EFCAB11: variants seen among roughly 807,000 people sequenced by gnomAD.
The protein encoded by EFCAB11 is EF-hand calcium binding domain 11.
In EFCAB11, 14 loss-of-function variants were observed where a neutral mutation model predicts 23.0. That is an observed-to-expected ratio of 0.61 (90% CI 0.40 to 0.95). The LOEUF is 0.95. EFCAB11 is among the 40% of genes least tolerant of loss of function. The probability of loss-of-function intolerance (pLI) is 0.00; values close to 1 mark genes in which losing one functional copy is unlikely to be tolerated. For synonymous variants in EFCAB11, 65 were observed against 66.6 expected (o/e 0.98, Z 0.11); for missense variants, 198 against 195.8 (o/e 1.01, Z -0.07).
intron 5 of EFCAB11, among the ~76,000 whole-genome samples, chr14:89,864,594 AT>A (rs1888028868): frequency 6.6e-6 from 1 of 151,704 alleles, no homozygotes; most frequent in South Asian, 2.1e-4. Context: ...TGCCCAGATA[AT>A]TTTTGTTTTG....
At chr14:89,886,049 C>T (rs574910348) in intron 5 of EFCAB11, among the ~76,000 whole-genome samples, 2 of 152,118 alleles carry the variant, frequency 1.3e-5, no homozygotes, top group South Asian at 4.1e-4. Context: ...GTGATACTGG[C>T]ACAAAGATAG....
At chr14:89,835,012 C>T (rs1887026397) in intron 5 of EFCAB11, among the ~76,000 whole-genome samples, 1 of 152,178 alleles carries the variant, frequency 6.6e-6, no homozygotes, top group Non-Finnish European at 1.5e-5. Context: ...TCCTTACCAA[C>T]AGTGTATAGT....
chr14:89,832,236 C>A (rs1388881025), intron 5 of EFCAB11, among the ~76,000 whole-genome samples: 1 of 152,080 alleles, frequency 6.6e-6, no homozygotes, highest in Admixed American at 6.5e-5. Context: ...TCACTTGAAT[C>A]CGGGAGGCAG....
chr14:89,862,799 G>T (rs1887966606), intron 5 of EFCAB11, among the ~76,000 whole-genome samples: 1 of 152,192 alleles, frequency 6.6e-6, no homozygotes, highest in Non-Finnish European at 1.5e-5. Flanking sequence ...CACTTTAGTA[G>T]GTTTCTAAAT....
In EFCAB11 at chr14:89,842,556, C is replaced by A. The variant is rs75618495; in HGVS notation, c.411-45232G>T. 7.4e-3 allele frequency among the ~76,000 whole-genome samples: 1,132 copies of A among 152,200 alleles called. 12 individuals carry two copies. The highest frequency in any genetic ancestry group is 0.026 in the African/African-American group (1,089 of 41,518). ...TGCCACTGCACTCTAGCCTGGGCAA[C>A]AGAGTGACCCACTGTCTCAAAAAAT... is the stretch of plus-strand genomic sequence containing the variant. On this transcript the variant is annotated intron_variant, in intron 5 of 5. Coordinates refer to ENST00000316738, the MANE Select transcript of EFCAB11 (RefSeq NM_145231.4).
intron 5 of EFCAB11, among the ~76,000 whole-genome samples, chr14:89,866,825 G>A (rs1167835046): frequency 1.3e-5 from 2 of 151,430 alleles, no homozygotes; most frequent in Non-Finnish European, 2.9e-5. Flanking sequence ...TTATTTTTTT[G>A]AGAGTCTCAC....
At chr14:89,868,189 TGATA>T (rs1260462094) in intron 5 of EFCAB11, among the ~76,000 whole-genome samples, 2 of 152,208 alleles carry the variant, frequency 1.3e-5, no homozygotes, top group Non-Finnish European at 2.9e-5. Context: ...CCTGTTTAAC[TGATA>T]GATTAACAGT....
At chr14:89,888,415 A>C (rs1265479247) in intron 5 of EFCAB11, among the ~76,000 whole-genome samples, 1 of 152,198 alleles carries the variant, frequency 6.6e-6, no homozygotes, top group East Asian at 1.9e-4. Context: ...TGGCGTTGGC[A>C]TCTGCTTGGC....
intron 5 of EFCAB11, among the ~76,000 whole-genome samples, chr14:89,904,516 G>A (rs1596444882): frequency 6.6e-6 from 1 of 152,148 alleles, no homozygotes; most frequent in Non-Finnish European, 1.5e-5. Context: ...GGGTCAAATG[G>A]TATTTCTAGT....
intron 5 of EFCAB11, among the ~76,000 whole-genome samples, chr14:89,805,632 A>G (rs961826366): frequency 2.0e-5 from 3 of 152,194 alleles, no homozygotes; most frequent in African/African-American, 7.2e-5. Context: ...AGCTATATAC[A>G]ATGAGGGAAA....
chr14:89,889,545 A>C (rs1192249848), intron 5 of EFCAB11, among the ~76,000 whole-genome samples: 1 of 152,242 alleles, frequency 6.6e-6, no homozygotes, highest in African/African-American at 2.4e-5. Flanking sequence ...TTCTGCTTAC[A>C]AGCCTGGCCC....
At position 89,800,101 on chromosome 14, in the gene EFCAB11, G is replaced by T. The variant is rs143049644; in HGVS notation, c.411-2777C>A. On this transcript the variant is annotated intron_variant, in intron 5 of 5. Coordinates refer to ENST00000316738, the MANE Select transcript of EFCAB11 (RefSeq NM_145231.4). The stretch of plus-strand genomic sequence containing the variant: ...CTTGGGAGGCTGAGGCAGAAGAATT[G>T]CTTGAACCCGGGAGGCAGAGGTTGC... Among the ~76,000 whole-genome samples, 29 of 152,172 alleles carry T rather than the reference G, an allele frequency of 1.9e-4. 1 individual carries two copies. In the East Asian group the frequency reaches 5.4e-3, roughly 28 times the overall value.
chr14:89,816,793 C>A (rs1046931492), intron 5 of EFCAB11, among the ~76,000 whole-genome samples: 2 of 152,020 alleles, frequency 1.3e-5, no homozygotes, highest in Admixed American at 1.3e-4. Context: ...GATTATGTAA[C>A]CCAGAAAACT....
Position 89,817,034 on chromosome 14 carries a change from G to T in EFCAB11, c.411-19710C>A, listed in dbSNP as rs1249968734. Reference sequence around the variant, plus strand: ...AGAATATATCAGTCCAATAATAAAAGTATAAATATTTTATAAAAGAAAAAA... The same window carrying T: ...AGAATATATCAGTCCAATAATAAAATTATAAATATTTTATAAAAGAAAAAA... On this transcript the variant is annotated intron_variant, in intron 5 of 5. Transcript: ENST00000316738. Among the ~76,000 whole-genome samples the T allele has an allele frequency of 3.3e-5, 5 of 151,868 alleles. No individual in the cohort carries two copies. In the East Asian group the frequency reaches 9.7e-4, roughly 29 times the overall value.
At chr14:89,929,990 A>G (rs572450588) in intron 5 of EFCAB11, among the ~76,000 whole-genome samples, 5 of 152,200 alleles carry the variant, frequency 3.3e-5, no homozygotes, top group Non-Finnish European at 5.9e-5. Flanking sequence ...ATGAGTATCA[A>G]TTTTTAGTTC....
intron 5 of EFCAB11, among the ~76,000 whole-genome samples, chr14:89,877,547 A>AG (rs1324802279): frequency 6.6e-6 from 1 of 152,202 alleles, no homozygotes; most frequent in Non-Finnish European, 1.5e-5. Flanking sequence ...CAATTTAAAA[A>AG]TTTCTAAATT....
At chr14:89,949,554 C>T (rs1025783062) in intron 3 of EFCAB11, among the ~76,000 whole-genome samples, 2 of 151,488 alleles carry the variant, frequency 1.3e-5, no homozygotes, top group African/African-American at 2.4e-5. Flanking sequence ...TTAGTAGAGA[C>T]GGTGTTTCAT....
At chr14:89,954,355 C>T (rs963670863) in intron 1 of EFCAB11, 1 of 1,536,050 alleles carries the variant, frequency 6.5e-7, no homozygotes. Flanking sequence ...TCAAGGTTAC[C>T]ATTAATAGAC....
intron 2 of EFCAB11, 73 bp from the exon 3 acceptor site, chr14:89,950,215 G>T: frequency 1.4e-6 from 2 of 1,441,586 alleles, no homozygotes; most frequent in South Asian, 2.6e-5. Flanking sequence ...TAATTCTTCA[G>T]GTGGGAATAA....
Sources: allele counts gnomAD v4.1 joint callset (sites outside exome capture counted in the v4.1 genomes callset), GRCh38; gene constraint gnomAD v4.1.1; transcripts MANE v1.5; gene names NCBI Gene and HGNC (gene_info 2026-07-23, HGNC 2026-07-21).